The following PDE1C variants were observed in gnomAD, a reference collection of about 807,000 sequenced individuals.
The protein encoded by PDE1C is dual specificity calcium/calmodulin-dependent 3',5'-cyclic nucleotide phosphodiesterase 1C.
PDE1C carries 62 observed loss-of-function variants against 93.1 expected under a neutral mutation model. The ratio of observed to expected loss-of-function variants is 0.67; its 90% CI spans 0.54 to 0.82. The LOEUF (loss-of-function observed/expected upper bound fraction) is 0.82. PDE1C is among the 40% of genes least tolerant of loss of function. The pLI, the probability that PDE1C is intolerant of heterozygous loss-of-function variation, is 0.00. For missense variants in PDE1C, 742 were observed against 884.6 expected, an observed-to-expected ratio of 0.84 and a Z score of 2.04; for synonymous variants, 325 against 310.1, an observed-to-expected ratio of 1.05 and a Z score of -0.50.
intron 1 of PDE1C, among the ~76,000 whole-genome samples, chr7:32,328,304 C>A (rs1783444003): frequency 1.3e-5 from 2 of 152,204 alleles, no homozygotes; most frequent in African/African-American, 4.8e-5. Context: ...CCTGCTTCCA[C>A]TTTTGCCTCC....
At chr7:31,721,492 A>C in the PDE1C span, among the ~76,000 whole-genome samples, 1 of 152,186 alleles carries the variant, frequency 6.6e-6, no homozygotes, top group African/African-American at 2.4e-5. Flanking sequence ...TGCATTGGGC[A>C]CCACAGATTT....
the PDE1C span, among the ~76,000 whole-genome samples, chr7:31,629,919 T>G: frequency 6.6e-6 from 1 of 152,290 alleles, no homozygotes; most frequent in Admixed American, 6.5e-5. Flanking sequence ...AGGCAAAGTC[T>G]AAAGAATTGT....
In PDE1C at chr7:31,753,474, A is replaced by G. The variant is rs1744064730; in HGVS notation, c.2040T>C (p.Thr680=). The G allele has an allele frequency of 3.7e-6, 6 of 1,612,600 alleles. No homozygotes were observed. The highest frequency in any genetic ancestry group is 5.1e-6 in the Non-Finnish European group (6 of 1,179,746). ...SSYAPSVSKK[T]DEHPARYKML... is the part of the protein sequence containing the mutation. The stretch of plus-strand genomic sequence containing the variant: ...TCTTGTACCTTGCAGGATGCTCATC[A>G]GTTTTCTTTGAGACTGAAGGTGCAT... Residue 680 remains threonine (T), a synonymous_variant, in exon 18 of 18, where the codon ACT becomes ACC. Transcript: ENST00000396191.
chr7:31,771,680 A>G (rs1795497480), intron 17 of PDE1C, among the ~76,000 whole-genome samples: 1 of 152,140 alleles, frequency 6.6e-6, no homozygotes, highest in Non-Finnish European at 1.5e-5. Flanking sequence ...TCATATTGTG[A>G]GCTGCCTTTT....
At chr7:31,940,616 T>C (rs17160719) in intron 2 of PDE1C, among the ~76,000 whole-genome samples, 489 of 152,258 alleles carry the variant, frequency 3.2e-3, no homozygotes, top group African/African-American at 0.011. Flanking sequence ...ATGGGTGCCC[T>C]GAGGCATTTA....
At chr7:32,097,271 T>C (rs1366041233) in intron 3 of PDE1C, among the ~76,000 whole-genome samples, 1 of 152,222 alleles carries the variant, frequency 6.6e-6, no homozygotes, top group East Asian at 1.9e-4. Flanking sequence ...GTCTAGGCAC[T>C]GCACAGCCCA....
intron 2 of PDE1C, among the ~76,000 whole-genome samples, chr7:32,037,201 T>C (rs1165616075): frequency 6.6e-6 from 1 of 152,174 alleles, no homozygotes; most frequent in African/African-American, 2.4e-5. Flanking sequence ...CCTGGTTTCT[T>C]TGAAATGGGC....
intron 2 of PDE1C, among the ~76,000 whole-genome samples, chr7:31,949,126 CT>C (rs1281489149): frequency 6.6e-6 from 1 of 152,088 alleles, no homozygotes; most frequent in Non-Finnish European, 1.5e-5. Context: ...ATATGCAACA[CT>C]TTTTTAGTCC....
intron 2 of PDE1C, among the ~76,000 whole-genome samples, chr7:31,960,274 C>G (rs925443547): frequency 2.0e-5 from 3 of 152,196 alleles, no homozygotes; most frequent in African/African-American, 4.8e-5. Flanking sequence ...AACGGGACAA[C>G]TGACATCCTG....
the PDE1C span, among the ~76,000 whole-genome samples, chr7:31,745,889 C>T: frequency 4.1e-3 from 623 of 152,268 alleles, 4 homozygotes; most frequent in Middle Eastern, 6.8e-3. Flanking sequence ...AAATGCTTTG[C>T]ACTCATTTGA....
intron 1 of PDE1C, among the ~76,000 whole-genome samples, chr7:32,058,896 A>G (rs980664097): frequency 5.3e-5 from 8 of 152,104 alleles, no homozygotes; most frequent in Admixed American, 3.3e-4. Flanking sequence ...CATGTGCACA[A>G]TGATTTCATT....
the PDE1C span, chr7:31,643,696 C>T: frequency 6.2e-7 from 1 of 1,614,044 alleles, no homozygotes; most frequent in Non-Finnish European, 8.5e-7. Context: ...GACACATGGG[C>T]CCCAGCCCCT....
intron 3 of PDE1C, among the ~76,000 whole-genome samples, chr7:32,114,116 T>C (rs1046348131): frequency 5.3e-5 from 8 of 152,156 alleles, no homozygotes; most frequent in Admixed American, 2.0e-4. Flanking sequence ...CTTCACAGAA[T>C]TAGATAAAAC....
the PDE1C span, among the ~76,000 whole-genome samples, chr7:31,661,414 C>T: frequency 3.3e-5 from 5 of 152,098 alleles, no homozygotes; most frequent in African/African-American, 4.8e-5. Context: ...AGAAAACTTA[C>T]ATAATTGGGA....
chr7:31,642,493 T>A, the PDE1C span, among the ~76,000 whole-genome samples: 1 of 152,214 alleles, frequency 6.6e-6, no homozygotes, highest in Non-Finnish European at 1.5e-5. Flanking sequence ...TCCTTTTGAC[T>A]TTTCTAAGCA....
intron 2 of PDE1C, among the ~76,000 whole-genome samples, chr7:31,898,024 G>T (rs909751708): frequency 0.025 from 946 of 37,388 alleles, 10 homozygotes; most frequent in African/African-American, 0.061. Flanking sequence ...GTTTCTTTGT[G>T]TGTGTGTGTG....
At position 32,030,575 on chromosome 7, in the gene PDE1C, T is replaced by A. The variant is rs563507627; in HGVS notation, c.128+20979A>T. 3.9e-5 allele frequency among the ~76,000 whole-genome samples: 6 copies of A among 152,152 alleles called. No individual in the cohort carries two copies. The South Asian group carries it at 6.2e-4, about 16-fold the overall frequency. On this transcript the variant is annotated intron_variant, in intron 2 of 17. Transcript: ENST00000396191. ...CAGACACATTACCGCCAAAATAAGTTACCTGGGCATATTGAATATTTTAAG... is the reference window on the plus strand; with the variant it reads ...CAGACACATTACCGCCAAAATAAGTAACCTGGGCATATTGAATATTTTAAG...
At chr7:32,101,212 C>T (rs1212072346) in intron 3 of PDE1C, among the ~76,000 whole-genome samples, 1 of 152,178 alleles carries the variant, frequency 6.6e-6, no homozygotes, top group African/African-American at 2.4e-5. Context: ...GTTCTTCTCA[C>T]AGGGATTCCC....
chr7:31,826,906 G>C (rs1186047882), intron 12 of PDE1C, among the ~76,000 whole-genome samples: 1 of 152,132 alleles, frequency 6.6e-6, no homozygotes, highest in East Asian at 1.9e-4. Flanking sequence ...ACTTAACTCT[G>C]CCACTAAAGT....
Sources: gnomAD v4.1 joint callset for allele counts (sites outside exome capture counted in the v4.1 genomes callset) on GRCh38, gnomAD v4.1.1 for gene constraint, MANE v1.5 for transcripts, NCBI Gene and HGNC (gene_info 2026-07-23, HGNC 2026-07-21) for gene names.